PDZRN3: variants seen among roughly 807,000 people sequenced by gnomAD.
The protein encoded by PDZRN3 is E3 ubiquitin-protein ligase PDZRN3.
In PDZRN3, 38 loss-of-function variants were observed where a neutral mutation model predicts 85.7. The ratio of observed to expected loss-of-function variants is 0.44; its 90% CI spans 0.34 to 0.58. The LOEUF is 0.58. Ranked by LOEUF, PDZRN3 falls within the 20% of genes least tolerant of loss-of-function variation. The pLI is 0.01. For missense variants in PDZRN3, 1,629 were observed against 1,506.4 expected (o/e 1.08, Z -1.35); for synonymous variants, 759 against 638.0 (o/e 1.19, Z -2.86).
At chr3:73,620,059 C>T (rs1702830574) in intron 1 of PDZRN3, among the ~76,000 whole-genome samples, 1 of 152,166 alleles carries the variant, frequency 6.6e-6, no homozygotes, top group Non-Finnish European at 1.5e-5. Flanking sequence ...TCCTACAATG[C>T]ACAGGTCAGC....
At chr3:73,558,852 AG>A (rs1360260639) in intron 3 of PDZRN3, among the ~76,000 whole-genome samples, 1 of 152,254 alleles carries the variant, frequency 6.6e-6, no homozygotes, top group African/African-American at 2.4e-5. Context: ...CCTGCAAGCC[AG>A]GAACAGCCCA....
chr3:73,570,359 G>T (rs1220175827), intron 3 of PDZRN3, among the ~76,000 whole-genome samples: 3 of 152,184 alleles, frequency 2.0e-5, no homozygotes, highest in Non-Finnish European at 2.9e-5. Context: ...CTATTTTATG[G>T]CAACAATTAC....
chr3:73,466,141 C>A (rs966982451), intron 3 of PDZRN3, among the ~76,000 whole-genome samples: 5 of 152,112 alleles, frequency 3.3e-5, no homozygotes, highest in Non-Finnish European at 5.9e-5. Context: ...ACAGCAGGAG[C>A]CTGCTGTAAT....
chr3:73,589,039 A>T (rs1289279815), intron 3 of PDZRN3, among the ~76,000 whole-genome samples: 1 of 137,036 alleles, frequency 7.3e-6, no homozygotes, highest in Non-Finnish European at 1.5e-5. Context: ...CCATCCTCCC[A>T]GAAGATATGA....
intron 3 of PDZRN3, among the ~76,000 whole-genome samples, chr3:73,547,000 G>A (rs1317718229): frequency 6.6e-6 from 1 of 152,152 alleles, no homozygotes; most frequent in Non-Finnish European, 1.5e-5. Flanking sequence ...CATGTACCCA[G>A]GTTCTGCCTC....
At chr3:73,520,317 C>T (rs1575705716) in intron 3 of PDZRN3, among the ~76,000 whole-genome samples, 1 of 152,054 alleles carries the variant, frequency 6.6e-6, no homozygotes, top group East Asian at 1.9e-4. Flanking sequence ...GGAGCCTGGG[C>T]AACATGGTGA....
At chr3:73,391,459 C>A (rs1388969787) in intron 5 of PDZRN3, among the ~76,000 whole-genome samples, 2 of 152,244 alleles carry the variant, frequency 1.3e-5, no homozygotes, top group East Asian at 1.9e-4. Flanking sequence ...ATTTCCATAC[C>A]CCAAACCACC....
At chr3:73,617,647 TA>T (rs1176868260) in intron 1 of PDZRN3, among the ~76,000 whole-genome samples, 1 of 152,224 alleles carries the variant, frequency 6.6e-6, no homozygotes, top group Non-Finnish European at 1.5e-5. Context: ...ATTACCAGGA[TA>T]AAAATTAAAG....
chr3:73,614,180 T>C (rs536931885), intron 1 of PDZRN3, among the ~76,000 whole-genome samples: 1 of 152,296 alleles, frequency 6.6e-6, no homozygotes, highest in African/African-American at 2.4e-5. Flanking sequence ...TAAGAATTGG[T>C]TGGGGGAAGA....
chr3:73,624,667 C>G lies in PDZRN3; in HGVS notation c.159G>C (p.Pro53=), dbSNP rs753244938. 3.9e-6 allele frequency: 6 copies of G among 1,526,150 alleles called. No homozygotes were observed. The highest frequency in any genetic ancestry group is 4.4e-6 in the Non-Finnish European group (5 of 1,141,830). 94.5% of individuals were successfully genotyped at this position (1,526,150 alleles called of 1,614,324 possible). ...CCGACAGGCGACCGCGGCAGCGCGCCGGGCAGCTGCCCTCCTGCACCACCC... is the reference window on the plus strand; with the variant it reads ...CCGACAGGCGACCGCGGCAGCGCGCGGGGCAGCTGCCCTCCTGCACCACCC... ...LPWVVQEGSC[P]ARCRGRLSAK... The change falls in exon 1 of 10, where the codon CCG becomes CCC. Residue 53 remains proline (P), a synonymous_variant. Transcript: ENST00000263666.
intron 3 of PDZRN3, among the ~76,000 whole-genome samples, chr3:73,505,786 C>T (rs1307515299): frequency 6.6e-6 from 1 of 151,868 alleles, no homozygotes; most frequent in Non-Finnish European, 1.5e-5. Context: ...AAAAACAGCA[C>T]ATAAAGTCAG....
intron 3 of PDZRN3, among the ~76,000 whole-genome samples, chr3:73,585,788 G>A (rs898720464): frequency 2.0e-5 from 3 of 152,114 alleles, no homozygotes; most frequent in African/African-American, 4.8e-5. Context: ...TTGCCAAAAC[G>A]GGTTTTGACA....
intron 3 of PDZRN3, among the ~76,000 whole-genome samples, chr3:73,560,362 C>G (rs1334403854): frequency 6.6e-6 from 1 of 151,986 alleles, no homozygotes; most frequent in East Asian, 1.9e-4. Flanking sequence ...GAATAAGGGA[C>G]AGAATTCAAC....
At chr3:73,547,704 C>A (rs1340603098) in intron 3 of PDZRN3, among the ~76,000 whole-genome samples, 2 of 152,174 alleles carry the variant, frequency 1.3e-5, no homozygotes, top group African/African-American at 4.8e-5. Context: ...GGGATTAGTG[C>A]CTACTTCCAT....
At position 73,384,874 on chromosome 3, in the gene PDZRN3, C is replaced by A. The variant is rs781546666; in HGVS notation, c.1692G>T (p.Gln564His). Reference protein sequence around the residue: ...TTDTATILSNQHEKDSGVGRT... With the variant: ...TTDTATILSNHHEKDSGVGRT... Reference sequence around the variant, plus strand: ...GCCCCACACCGCTGTCCTTCTCGTGCTGGTTGGACAAGATGGTGGCTGTAT... The same window carrying A: ...GCCCCACACCGCTGTCCTTCTCGTGATGGTTGGACAAGATGGTGGCTGTAT... Residue 564 changes from glutamine to histidine, a missense_variant, in exon 10 of 10, where the codon CAG becomes CAT. Physicochemically the swap from Gln to His is conservative, Grantham distance 24. Coordinates refer to ENST00000263666, the MANE Select transcript of PDZRN3 (RefSeq NM_015009.3). The A allele has an allele frequency of 1.6e-5, 26 of 1,613,542 alleles. No homozygotes were observed. In the South Asian group the frequency reaches 1.9e-4, roughly 12 times the overall value.
At chr3:73,577,082 G>A (rs746625039) in intron 3 of PDZRN3, among the ~76,000 whole-genome samples, 4 of 152,160 alleles carry the variant, frequency 2.6e-5, no homozygotes, top group Non-Finnish European at 5.9e-5. Flanking sequence ...ATGCATGGTT[G>A]ATGAATCATT....
intron 3 of PDZRN3, among the ~76,000 whole-genome samples, chr3:73,453,436 A>C (rs1702914319): frequency 6.9e-6 from 1 of 145,072 alleles, no homozygotes; most frequent in African/African-American, 2.5e-5. Flanking sequence ...AAAAAAAAAA[A>C]CAAAGAAAGA....
chr3:73,576,125 CAT>C (rs1553704401), intron 3 of PDZRN3, among the ~76,000 whole-genome samples: 1 of 152,034 alleles, frequency 6.6e-6, no homozygotes, highest in African/African-American at 2.4e-5. Context: ...CACACACACA[CAT>C]ATGCACAGTG....
intron 3 of PDZRN3, among the ~76,000 whole-genome samples, chr3:73,530,822 T>G (rs974801550): frequency 6.6e-6 from 1 of 152,346 alleles, no homozygotes; most frequent in Admixed American, 6.5e-5. Flanking sequence ...GACCAGCATA[T>G]TGACAACTCT....
Sources: gnomAD v4.1 joint callset for allele counts (sites outside exome capture counted in the v4.1 genomes callset) on GRCh38, gnomAD v4.1.1 for gene constraint, MANE v1.5 for transcripts, NCBI Gene and HGNC (gene_info 2026-07-23, HGNC 2026-07-21) for gene names.